ANKH: variants seen among roughly 807,000 people sequenced by gnomAD.
ANKH encodes ANKH inorganic pyrophosphate transport regulator.
Under a neutral mutation model 49.0 loss-of-function variants are expected in ANKH, and 15 were observed. That is an observed-to-expected ratio of 0.31 (90% CI 0.20 to 0.47). ANKH has a LOEUF of 0.47. ANKH is among the 20% of genes least tolerant of loss of function. The probability of loss-of-function intolerance (pLI) is 1.00; values close to 1 mark genes in which losing one functional copy is unlikely to be tolerated. For missense variants in ANKH, 429 were observed against 652.0 expected (o/e 0.66, Z 3.72); for synonymous variants, 273 against 260.0 (o/e 1.05, Z -0.48).
intron 1 of ANKH, among the ~76,000 whole-genome samples, chr5:14,823,830 G>C (rs1376457352): frequency 2.0e-5 from 3 of 152,172 alleles, no homozygotes; most frequent in Admixed American, 2.0e-4. Context: ...GGAAGGCTGA[G>C]GCAGGAGGAT....
intron 7 of ANKH, among the ~76,000 whole-genome samples, chr5:14,743,216 C>T (rs1047926465): frequency 3.9e-5 from 6 of 152,204 alleles, no homozygotes; most frequent in African/African-American, 1.4e-4. Context: ...TGGTTGGAGA[C>T]CTCCGTCTCC....
intron 2 of ANKH, among the ~76,000 whole-genome samples, chr5:14,759,924 C>T (rs938402021): frequency 5.9e-5 from 9 of 152,028 alleles, no homozygotes; most frequent in East Asian, 1.9e-4. Flanking sequence ...CAGTGTCTTA[C>T]GAGTGTTTTA....
In ANKH at chr5:14,858,758, T is replaced by A. The variant is rs1017302633; in HGVS notation, c.96+12594A>T. Among the ~76,000 whole-genome samples the A allele has an allele frequency of 2.0e-4, 14 of 71,388 alleles. No individual in the cohort carries two copies. The South Asian group carries it at 4.2e-3, about 22-fold the overall frequency. The allele number at this position is 71,388 out of a possible 152,430, so 46.8% of individuals were successfully genotyped here. A position where few individuals can be genotyped will look rare whatever the true frequency, so the allele number is the denominator to read the frequency against. ...ATAAATAAATAAATAAATAAATAAA[T>A]AAAATAAAATAAAATATATGCACAG... On this transcript the variant is annotated intron_variant, in intron 1 of 11. Coordinates refer to ENST00000284268, the MANE Select transcript of ANKH (RefSeq NM_054027.6).
In ANKH at chr5:14,706,484, T is replaced by C. The variant is rs1239241416; in HGVS notation, c.*4713A>G. The C allele has an allele frequency of 6.6e-6, 1 of 152,234 alleles. No homozygotes were observed. The highest frequency in any genetic ancestry group is 2.4e-5 in the African/African-American group (1 of 41,454). The allele number at this position is 152,234 out of a possible 1,614,324, so 9.4% of individuals were successfully genotyped here. Reference sequence around the variant, plus strand: ...AAGTTAATAGATTTAATGTCCACTCTTGAGAAGAAAATAAAGTCTAAACTT... The same window carrying C: ...AAGTTAATAGATTTAATGTCCACTCCTGAGAAGAAAATAAAGTCTAAACTT... On this transcript the variant is annotated 3_prime_UTR_variant, in exon 12 of 12. Transcript: ENST00000284268.
In ANKH at chr5:14,816,504, C is replaced by T. The variant is rs114217357; in HGVS notation, c.97-47313G>A. ...CCAGCATGAGAGGAAGGGGATGATT[C>T]ATTCGAACTTGTCAAACTCAGAAGG... On this transcript the variant is annotated intron_variant, in intron 1 of 11. Coordinates refer to ENST00000284268, the MANE Select transcript of ANKH (RefSeq NM_054027.6). Among the ~76,000 whole-genome samples the T allele has an allele frequency of 9.8e-3, 1,494 of 152,172 alleles. 28 individuals are homozygous for T. The highest frequency in any genetic ancestry group is 0.034 in the African/African-American group (1,428 of 41,506).
chr5:14,742,059 C>A, intron 7 of ANKH, 137 bp from the exon 8 acceptor site: 1 of 717,272 alleles, frequency 1.4e-6, no homozygotes. Context: ...GTTTGCCAGG[C>A]GGCTGTCATG....
At chr5:14,779,666 G>A (rs1038065216) in intron 1 of ANKH, among the ~76,000 whole-genome samples, 1 of 152,194 alleles carries the variant, frequency 6.6e-6, no homozygotes, top group Non-Finnish European at 1.5e-5. Flanking sequence ...CTAACTGTAG[G>A]TTTAGACTTC....
rs1439248925 is a variant in ANKH, at chr5:14,725,851, T to G, written c.1012-9016A>C. Among the ~76,000 whole-genome samples the G allele has an allele frequency of 6.6e-6, 1 of 152,240 alleles. No individual in the cohort carries two copies. The highest frequency in any genetic ancestry group is 1.5e-5 in the Non-Finnish European group (1 of 68,044). On this transcript the variant is annotated intron_variant, in intron 8 of 11. Transcript: ENST00000284268. The surrounding 1 kb of genome is among the most constrained non-coding windows in gnomAD (Gnocchi z 4.0). ...ATCTCCGCTTCCCGGGTTCAAGAGA[T>G]TCTCCCGCCTCAGCCTCCTGAGTAG...
chr5:14,735,885 C>T (rs563906987), intron 8 of ANKH, among the ~76,000 whole-genome samples: 49 of 152,180 alleles, frequency 3.2e-4, no homozygotes, highest in Admixed American at 1.2e-3. Flanking sequence ...TTTGGCGAAT[C>T]CTATTCAACC....
intron 1 of ANKH, among the ~76,000 whole-genome samples, chr5:14,812,427 G>A (rs958083713): frequency 2.0e-5 from 3 of 152,124 alleles, no homozygotes; most frequent in Non-Finnish European, 4.4e-5. Context: ...TCTGGAAGCA[G>A]GTTTTGCATG....
chr5:14,857,151 T>A (rs1471815850), intron 1 of ANKH, among the ~76,000 whole-genome samples: 1 of 151,684 alleles, frequency 6.6e-6, no homozygotes, highest in Non-Finnish European at 1.5e-5. Flanking sequence ...TACCAGGCAT[T>A]TTGCCTGGTA....
intron 8 of ANKH, among the ~76,000 whole-genome samples, chr5:14,731,842 CTAGGCGTTTGATGATT>C (rs1738013598): frequency 6.6e-6 from 1 of 152,328 alleles, no homozygotes; most frequent in South Asian, 2.1e-4. Context: ...GCTCCACTGC[CTAGGCGTTTGATGATT>C]TCAGCAATGC....
chr5:14,775,529 G>T (rs901240893), intron 1 of ANKH, among the ~76,000 whole-genome samples: 8 of 152,180 alleles, frequency 5.3e-5, no homozygotes, highest in African/African-American at 1.9e-4. Context: ...GGATAAGGGG[G>T]CCTACTATGT....
At chr5:14,806,752 C>T (rs953068452) in intron 1 of ANKH, among the ~76,000 whole-genome samples, 2 of 152,130 alleles carry the variant, frequency 1.3e-5, no homozygotes, top group East Asian at 1.9e-4. Context: ...CCTCTTGTGA[C>T]CTCTTGTAAA....
intron 1 of ANKH, among the ~76,000 whole-genome samples, chr5:14,866,569 A>G (rs377448533): frequency 6.6e-6 from 1 of 152,346 alleles, no homozygotes. Context: ...GTGAGATCAA[A>G]TGGACATTTG....
intron 1 of ANKH, among the ~76,000 whole-genome samples, chr5:14,844,301 A>G (rs1741896683): frequency 6.6e-6 from 1 of 152,324 alleles, no homozygotes; most frequent in Admixed American, 6.5e-5. Flanking sequence ...TAAAAGCACA[A>G]TTGTTTCACT....
At chr5:14,729,295 C>T (rs1228331791) in intron 8 of ANKH, among the ~76,000 whole-genome samples, 1 of 151,606 alleles carries the variant, frequency 6.6e-6, no homozygotes, top group Non-Finnish European at 1.5e-5. Context: ...TCAGGTGATT[C>T]GCCCACCTTG....
chr5:14,812,117 T>TAAAAAAAA (rs55728743), intron 1 of ANKH, among the ~76,000 whole-genome samples: 19 of 126,510 alleles, frequency 1.5e-4, no homozygotes, highest in African/African-American at 2.4e-4. Context: ...GTATTTATCT[T>TAAAAAAAA]AAAAAAAAAA....
At chr5:14,810,462 AATTG>A (rs1357461793) in intron 1 of ANKH, among the ~76,000 whole-genome samples, 3 of 152,094 alleles carry the variant, frequency 2.0e-5, no homozygotes, top group Non-Finnish European at 2.9e-5. Flanking sequence ...CCTGGCCAAA[AATTG>A]ATTGACTTTT....
Sources: allele counts gnomAD v4.1 joint callset (sites outside exome capture counted in the v4.1 genomes callset), GRCh38; gene constraint gnomAD v4.1.1; non-coding constraint Gnocchi (gnomAD v3.1); transcripts MANE v1.5; gene names NCBI Gene and HGNC (gene_info 2026-07-23, HGNC 2026-07-21).